MYO16: variants seen among roughly 807,000 people sequenced by gnomAD.
The protein encoded by MYO16 is unconventional myosin-XVI.
A neutral mutation model predicts 205.3 loss-of-function variants in MYO16; 94 were observed. That is an observed-to-expected ratio of 0.46 (90% CI 0.39 to 0.54). The LOEUF (loss-of-function observed/expected upper bound fraction) is 0.54, where lower values mean the gene tolerates loss of function less well. Among genes scored for constraint, MYO16 ranks in the 20% least tolerant of loss-of-function variants. MYO16 has a pLI of 0.00. For synonymous variants in MYO16, 988 were observed against 954.0 expected (o/e 1.04, Z -0.66); for missense variants, 2,315 against 2,387.5 (o/e 0.97, Z 0.63).
At chr13:109,195,659 C>T (rs1880124088) in intron 34 of MYO16, among the ~76,000 whole-genome samples, 1 of 152,114 alleles carries the variant, frequency 6.6e-6, no homozygotes, top group Non-Finnish European at 1.5e-5. Context: ...CTTTTAATTT[C>T]CATAAATGTC....
At chr13:108,757,295 G>A (rs1004814002) in intron 4 of MYO16, among the ~76,000 whole-genome samples, 4 of 152,202 alleles carry the variant, frequency 2.6e-5, no homozygotes, top group African/African-American at 9.6e-5. Context: ...TGAGAGGAGC[G>A]CTTTGAAGTT....
chr13:108,624,976 A>G (rs1879679105), upstream of MYO16, among the ~76,000 whole-genome samples: 1 of 152,184 alleles, frequency 6.6e-6, no homozygotes, highest in Admixed American at 6.6e-5. Flanking sequence ...GTATTTGAAT[A>G]ACCAGGGATA....
chr13:108,518,410 C>T, the MYO16 span, among the ~76,000 whole-genome samples: 10 of 152,102 alleles, frequency 6.6e-5, no homozygotes, highest in Non-Finnish European at 7.4e-5. Context: ...ATAGCATCTG[C>T]CTGAGATGTC....
At chr13:109,112,099 A>G (rs1487865596) in intron 28 of MYO16, among the ~76,000 whole-genome samples, 3 of 152,242 alleles carry the variant, frequency 2.0e-5, no homozygotes, top group African/African-American at 7.2e-5. Context: ...TACAATATAT[A>G]AAGAAGGTTC....
upstream of MYO16, among the ~76,000 whole-genome samples, chr13:108,595,795 G>A (rs1878535342): frequency 6.7e-6 from 1 of 149,402 alleles, no homozygotes; most frequent in African/African-American, 2.5e-5. Context: ...GGATTTTAAT[G>A]TTCATTGTGG....
intron 8 of MYO16, among the ~76,000 whole-genome samples, chr13:108,821,621 C>T (rs1341215709): frequency 6.6e-6 from 1 of 152,138 alleles, no homozygotes; most frequent in East Asian, 1.9e-4. Context: ...ATTTCCCAGA[C>T]AAGGGAGGAT....
At chr13:109,077,514 G>A (rs1446788078) in intron 27 of MYO16, among the ~76,000 whole-genome samples, 1 of 152,126 alleles carries the variant, frequency 6.6e-6, no homozygotes, top group Non-Finnish European at 1.5e-5. Context: ...TCTGTGGTTT[G>A]CATGAGCATT....
chr13:108,670,614 G>T (rs1212152300), intron 2 of MYO16, among the ~76,000 whole-genome samples: 8 of 152,130 alleles, frequency 5.3e-5, no homozygotes, highest in Non-Finnish European at 1.0e-4. Flanking sequence ...TTTTAAATGG[G>T]ACCTATAGAA....
chr13:108,961,741 A>G, intron 18 of MYO16, 85 bp downstream of exon 18: 1 of 1,093,408 alleles, frequency 9.1e-7, no homozygotes, highest in Admixed American at 1.7e-5. Context: ...TAGTACAGAA[A>G]AGCCAGTTGG....
At chr13:108,690,320 C>T (rs955160399) in intron 2 of MYO16, among the ~76,000 whole-genome samples, 7 of 48,352 alleles carry the variant, frequency 1.4e-4, no homozygotes, top group African/African-American at 4.2e-4. Context: ...TTCTTTTGCA[C>T]GTTATTTCCA....
chr13:108,952,365 A>T (rs1362302203), intron 16 of MYO16, among the ~76,000 whole-genome samples: 1 of 152,174 alleles, frequency 6.6e-6, no homozygotes, highest in South Asian at 2.1e-4. Flanking sequence ...CACTGGGCTC[A>T]GGGGCAAGAC....
the MYO16 span, among the ~76,000 whole-genome samples, chr13:108,571,022 T>C: frequency 2.0e-5 from 3 of 152,156 alleles, no homozygotes; most frequent in Admixed American, 1.3e-4. Context: ...AATTTTGGGT[T>C]TTTGGTATAG....
chr13:109,055,530 G>C lies in MYO16; in HGVS notation c.3270G>C (p.Leu1090=). The C allele has an allele frequency of 6.2e-7, 1 of 1,613,178 alleles. No homozygotes were observed. The highest frequency in any genetic ancestry group is 8.5e-7 in the Non-Finnish European group (1 of 1,179,460). Residue 1090 remains leucine, a synonymous_variant, in exon 27 of 35, where the codon CTG becomes CTC. Transcript: ENST00000457511. The surrounding 1 kb of genome is among the most constrained non-coding windows in gnomAD (Gnocchi z 5.0). ...CTCAGCTACAATATATTGGGGTCCT[G>C]GAGATGGTGAAGATCTTCCGATATG... ...VSAQLQYIGV[L]EMVKIFRYGY...
intron 18 of MYO16, 82 bp from the exon 19 acceptor site, chr13:108,962,342 A>G: frequency 9.1e-7 from 1 of 1,094,724 alleles, no homozygotes; most frequent in Non-Finnish European, 1.4e-6. Flanking sequence ...TATAAAACTT[A>G]TCAATTATGG....
Position 109,140,685 on chromosome 13 carries a change from G to T in MYO16, c.4473G>T (p.Ala1491=). The change falls in exon 32 of 35, where the codon GCG becomes GCT. Residue 1491 remains alanine, a synonymous_variant. Coordinates refer to ENST00000457511, the MANE Select transcript of MYO16 (RefSeq NM_001198950.3). The surrounding 1 kb of genome is among the most constrained non-coding windows in gnomAD (Gnocchi z 8.0). ...LLHRAPEDEA[A]GPPGDACDIP... ...ACCGCGCGCCGGAGGACGAGGCGGCGGGGCCCCCAGGGGACGCGTGCGACA... is the reference window on the plus strand; with the variant it reads ...ACCGCGCGCCGGAGGACGAGGCGGCTGGGCCCCCAGGGGACGCGTGCGACA... 2.0e-6 allele frequency: 3 copies of T among 1,478,060 alleles called. No homozygotes were observed. Among genetic ancestry groups the T allele is most frequent in the Non-Finnish European group, 2.7e-6 (3 of 1,118,056 alleles). The allele number at this position is 1,478,060 out of a possible 1,614,324, so 91.6% of individuals were successfully genotyped here. A position where few individuals can be genotyped will look rare whatever the true frequency, so the allele number is the denominator to read the frequency against.
chr13:109,017,152 C>A (rs1477442167), intron 22 of MYO16, among the ~76,000 whole-genome samples: 4 of 152,164 alleles, frequency 2.6e-5, no homozygotes, highest in African/African-American at 4.8e-5. Context: ...TCTTGTAAGG[C>A]AGGCCTGGTG....
chr13:108,588,937 T>G, the MYO16 span, among the ~76,000 whole-genome samples: 2 of 152,032 alleles, frequency 1.3e-5, no homozygotes, highest in African/African-American at 4.8e-5. Flanking sequence ...TTTTTACTCT[T>G]GATAATAATT....
the MYO16 span, among the ~76,000 whole-genome samples, chr13:108,508,898 G>A: frequency 6.6e-6 from 1 of 152,126 alleles, no homozygotes; most frequent in African/African-American, 2.4e-5. Context: ...CAGTTATCCT[G>A]TTACCATCCC....
At chr13:108,557,520 T>C in the MYO16 span, among the ~76,000 whole-genome samples, 2 of 152,296 alleles carry the variant, frequency 1.3e-5, no homozygotes, top group Admixed American at 1.3e-4. Context: ...TTTGTCTTAT[T>C]GTATGAGATA....
Sources: allele counts gnomAD v4.1 joint callset (sites outside exome capture counted in the v4.1 genomes callset), GRCh38; gene constraint gnomAD v4.1.1; non-coding constraint Gnocchi (gnomAD v3.1); transcripts MANE v1.5; gene names NCBI Gene and HGNC (gene_info 2026-07-23, HGNC 2026-07-21).